Variants in GPC5 observed in about 807,000 individuals in gnomAD.
The protein encoded by GPC5 is glypican-5.
A neutral mutation model predicts 53.9 loss-of-function variants in GPC5; 47 were observed. The ratio of observed to expected loss-of-function variants is 0.87; its 90% CI spans 0.69 to 1.11. The LOEUF (loss-of-function observed/expected upper bound fraction) is 1.11. GPC5 is among the 50% of genes most tolerant of loss of function. The pLI is 0.00. For synonymous variants in GPC5, 286 were observed against 263.3 expected (o/e 1.09, Z -0.84); for missense variants, 748 against 713.1 (o/e 1.05, Z -0.56).
intron 7 of GPC5, among the ~76,000 whole-genome samples, chr13:92,285,406 G>A (rs948693818): frequency 1.3e-5 from 2 of 152,026 alleles, no homozygotes; most frequent in Non-Finnish European, 2.9e-5. Flanking sequence ...AGTTCATATG[G>A]AACCAAAAAA....
At chr13:92,016,348 A>G (rs2040706949) in intron 6 of GPC5, among the ~76,000 whole-genome samples, 1 of 152,208 alleles carries the variant, frequency 6.6e-6, no homozygotes, top group Admixed American at 6.5e-5. Context: ...TTTATTCTGC[A>G]GGAAACAAAT....
chr13:91,500,280 A>G (rs1270945387), intron 2 of GPC5, among the ~76,000 whole-genome samples: 3 of 152,202 alleles, frequency 2.0e-5, no homozygotes, highest in Non-Finnish European at 2.9e-5. Context: ...CATTTAGTCA[A>G]TTGATATTTG....
intron 7 of GPC5, among the ~76,000 whole-genome samples, chr13:92,344,495 C>A (rs890661379): frequency 2.0e-5 from 3 of 152,124 alleles, no homozygotes; most frequent in African/African-American, 7.2e-5. Flanking sequence ...AAATTTGGTT[C>A]AGATGAGAAG....
chr13:91,933,125 C>T (rs779071202), intron 6 of GPC5, among the ~76,000 whole-genome samples: 2 of 151,900 alleles, frequency 1.3e-5, no homozygotes, highest in Non-Finnish European at 2.9e-5. Flanking sequence ...AGAAATTCCT[C>T]ATTATCAACG....
chr13:92,589,955 G>C (rs574843026), intron 7 of GPC5, among the ~76,000 whole-genome samples: 2 of 152,148 alleles, frequency 1.3e-5, no homozygotes, highest in Non-Finnish European at 2.9e-5. Context: ...AAGGTTAAAA[G>C]GTTGATGAGT....
At chr13:92,145,401 A>G (rs867332926) in intron 7 of GPC5, among the ~76,000 whole-genome samples, 1 of 152,080 alleles carries the variant, frequency 6.6e-6, no homozygotes. Flanking sequence ...CACTTCTATC[A>G]TAGTCAAATT....
intron 7 of GPC5, among the ~76,000 whole-genome samples, chr13:92,317,883 T>G (rs16947367): frequency 0.029 from 4,416 of 152,236 alleles, 224 homozygotes; most frequent in African/African-American, 0.1. Flanking sequence ...CTGGAATACC[T>G]CGACAGTATA....
Position 91,967,611 on chromosome 13 carries a change from A to C in GPC5, c.1401+59554A>C, listed in dbSNP as rs1028751159. 2.0e-5 allele frequency among the ~76,000 whole-genome samples: 3 copies of C among 152,074 alleles called. 1 individual carries two copies. The highest frequency in any genetic ancestry group is 2.9e-5 in the Non-Finnish European group (2 of 67,978). ...TACTAATGATCATAAAGTTTCTAAA[A>C]TTATAAATGCTTTTAAATACATCAT... On this transcript the variant is annotated intron_variant, in intron 6 of 7. Coordinates refer to ENST00000377067, the MANE Select transcript of GPC5 (RefSeq NM_004466.6).
chr13:92,402,278 C>T (rs993477142), intron 7 of GPC5, among the ~76,000 whole-genome samples: 11 of 152,090 alleles, frequency 7.2e-5, no homozygotes, highest in African/African-American at 2.7e-4. Context: ...CACAAAATAG[C>T]GTGTATACAC....
intron 7 of GPC5, among the ~76,000 whole-genome samples, chr13:92,813,449 T>G (rs1159795488): frequency 6.6e-6 from 1 of 152,022 alleles, no homozygotes; most frequent in Non-Finnish European, 1.5e-5. Flanking sequence ...TGATCATCTC[T>G]TATTCAGCAT....
chr13:91,443,954 G>C (rs1471394440), intron 1 of GPC5, among the ~76,000 whole-genome samples: 2 of 152,046 alleles, frequency 1.3e-5, no homozygotes, highest in Non-Finnish European at 2.9e-5. Context: ...TTGCTTATTT[G>C]TTTATCCCAT....
At chr13:92,127,771 T>C (rs2041711282) in intron 6 of GPC5, among the ~76,000 whole-genome samples, 1 of 152,214 alleles carries the variant, frequency 6.6e-6, no homozygotes, top group South Asian at 2.1e-4. Context: ...CCACGAAGTT[T>C]TCTATATTGG....
intron 5 of GPC5, among the ~76,000 whole-genome samples, chr13:91,771,228 C>A (rs1253154276): frequency 6.6e-6 from 1 of 152,156 alleles, no homozygotes; most frequent in East Asian, 1.9e-4. Context: ...TTCTCACCCT[C>A]AATGTTAAAA....
At chr13:92,487,181 G>A (rs117578930) in intron 7 of GPC5, among the ~76,000 whole-genome samples, 2,586 of 152,216 alleles carry the variant, frequency 0.017, 33 homozygotes, top group Non-Finnish European at 0.024. Context: ...AAGTCCTATG[G>A]AGAGTGCTGC....
At chr13:92,608,086 A>G (rs1216299843) in intron 7 of GPC5, among the ~76,000 whole-genome samples, 7 of 152,356 alleles carry the variant, frequency 4.6e-5, no homozygotes, top group African/African-American at 1.7e-4. Flanking sequence ...TATATAATAC[A>G]TATAACATAC....
chr13:92,405,350 T>C (rs1284830413), intron 7 of GPC5, among the ~76,000 whole-genome samples: 2 of 152,170 alleles, frequency 1.3e-5, no homozygotes, highest in Non-Finnish European at 2.9e-5. Flanking sequence ...AGAAAACCCA[T>C]GCAGACATGA....
intron 7 of GPC5, among the ~76,000 whole-genome samples, chr13:92,759,216 T>C (rs948823532): frequency 6.6e-6 from 1 of 151,742 alleles, no homozygotes. Context: ...CAGAATTGCT[T>C]GGCTATTCAG....
intron 6 of GPC5, among the ~76,000 whole-genome samples, 181 bp from the exon 7 acceptor site, chr13:92,144,649 A>G (rs1430598683): frequency 3.9e-5 from 6 of 152,224 alleles, no homozygotes; most frequent in African/African-American, 1.4e-4. Flanking sequence ...TTATAGGTGT[A>G]AGACTTTGCC....
intron 2 of GPC5, among the ~76,000 whole-genome samples, chr13:91,514,486 A>T (rs1484036996): frequency 6.6e-6 from 1 of 152,148 alleles, no homozygotes; most frequent in African/African-American, 2.4e-5. Context: ...TTTTATAATT[A>T]GATTTTTTTT....
Sources: gnomAD v4.1 joint callset for allele counts (sites outside exome capture counted in the v4.1 genomes callset) on GRCh38, gnomAD v4.1.1 for gene constraint, MANE v1.5 for transcripts, NCBI Gene and HGNC (gene_info 2026-07-23, HGNC 2026-07-21) for gene names.